The following TENM2 variants were observed in gnomAD, a reference collection of about 807,000 sequenced individuals.
The protein encoded by TENM2 is teneurin transmembrane protein 2.
Under a neutral mutation model 245.2 loss-of-function variants are expected in TENM2, and 52 were observed. That is an observed-to-expected ratio of 0.21 (90% confidence interval 0.17 to 0.27). TENM2 has a LOEUF of 0.27. Ranked by LOEUF, TENM2 falls within the 10% of genes least tolerant of loss-of-function variation. The pLI is 1.00. For missense variants in TENM2, 3,046 were observed against 3,666.8 expected (o/e 0.83, Z 4.37); for synonymous variants, 1,363 against 1,438.9 (o/e 0.95, Z 1.19).
intron 2 of TENM2, among the ~76,000 whole-genome samples, chr5:167,392,389 A>G (rs1400678521): frequency 2.0e-5 from 3 of 152,306 alleles, no homozygotes; most frequent in Non-Finnish European, 2.9e-5. Context: ...AGGAAAGTCA[A>G]TGGTCTCCCC....
At chr5:167,661,105 A>T (rs1033913340) in intron 2 of TENM2, among the ~76,000 whole-genome samples, 1 of 152,312 alleles carries the variant, frequency 6.6e-6, no homozygotes, top group South Asian at 2.1e-4. Context: ...TGCACTGAGC[A>T]TGTACCTTAT....
In TENM2 at chr5:167,582,738, A is replaced by T. The variant is rs545070608; in HGVS notation, c.502+207265A>T. ...TTATAGTTTATTATAACAGGCTGTG[A>T]TTCTCCAGAAGCTTTTTTGAGGATT... On this transcript the variant is annotated intron_variant, in intron 2 of 28. Coordinates refer to ENST00000518659, the Ensembl canonical transcript of TENM2. 2.0e-5 allele frequency among the ~76,000 whole-genome samples: 3 copies of T among 152,284 alleles called. No homozygotes were observed. In the South Asian group the frequency reaches 6.2e-4, roughly 32 times the overall value.
At chr5:168,138,837 CAT>C (rs1261244576) in intron 12 of TENM2, among the ~76,000 whole-genome samples, 2 of 152,218 alleles carry the variant, frequency 1.3e-5, no homozygotes, top group African/African-American at 4.8e-5. Context: ...GAGTGCCTAA[CAT>C]GTGCCAGCAC....
chr5:167,348,229 C>A (rs1290003173), intron 1 of TENM2, among the ~76,000 whole-genome samples: 1 of 152,156 alleles, frequency 6.6e-6, no homozygotes, highest in Non-Finnish European at 1.5e-5. Flanking sequence ...TAATACATAA[C>A]GAATTGCAGC....
intron 1 of TENM2, among the ~76,000 whole-genome samples, chr5:167,306,813 G>A (rs951938519): frequency 6.6e-6 from 1 of 152,150 alleles, no homozygotes; most frequent in African/African-American, 2.4e-5. Flanking sequence ...CAGAAGACTT[G>A]TAGCAATAAT....
chr5:167,554,809 A>G (rs1434113201), intron 2 of TENM2, among the ~76,000 whole-genome samples: 1 of 152,156 alleles, frequency 6.6e-6, no homozygotes, highest in Non-Finnish European at 1.5e-5. Flanking sequence ...GGTGGCAAAG[A>G]TAAGAAACTC....
chr5:167,274,172 T>G, the TENM2 span, among the ~76,000 whole-genome samples: 5 of 151,862 alleles, frequency 3.3e-5, no homozygotes, highest in Non-Finnish European at 7.4e-5. Context: ...CATACCCTTC[T>G]TAACCCTGAC....
intron 2 of TENM2, among the ~76,000 whole-genome samples, chr5:167,389,857 G>A (rs1761654573): frequency 6.6e-6 from 1 of 152,064 alleles, no homozygotes; most frequent in African/African-American, 2.4e-5. Flanking sequence ...TTTTATTCTG[G>A]CTTCCCTTCA....
At chr5:167,674,132 G>A (rs150399870) in intron 2 of TENM2, among the ~76,000 whole-genome samples, 95 of 152,278 alleles carry the variant, frequency 6.2e-4, no homozygotes, top group Admixed American at 4.8e-3. Context: ...ACTCCAGGGT[G>A]TGTAGCTATG....
At chr5:167,234,542 C>T in the TENM2 span, among the ~76,000 whole-genome samples, 2 of 152,156 alleles carry the variant, frequency 1.3e-5, no homozygotes, top group East Asian at 3.9e-4. Context: ...TTCTTAGAAG[C>T]CAGGCTACTT....
intron 5 of TENM2, among the ~76,000 whole-genome samples, chr5:168,029,885 C>T (rs898846986): frequency 5.3e-5 from 8 of 152,144 alleles, no homozygotes; most frequent in South Asian, 2.1e-4. Context: ...CAAGATCCAA[C>T]GGATTTTTTA....
At chr5:167,423,797 G>A (rs1313096052) in intron 2 of TENM2, among the ~76,000 whole-genome samples, 1 of 152,136 alleles carries the variant, frequency 6.6e-6, no homozygotes, top group Non-Finnish European at 1.5e-5. Context: ...CGTAAGTGAA[G>A]TTCAATATCA....
intron 5 of TENM2, among the ~76,000 whole-genome samples, chr5:168,012,101 A>G (rs1785261808): frequency 6.6e-6 from 1 of 152,176 alleles, no homozygotes; most frequent in Non-Finnish European, 1.5e-5. Flanking sequence ...CTTTGACTTT[A>G]TGTGTTCACA....
chr5:167,027,769 G>A, the TENM2 span, among the ~76,000 whole-genome samples: 1 of 152,052 alleles, frequency 6.6e-6, no homozygotes, highest in Admixed American at 6.6e-5. Flanking sequence ...TATTGTTTCA[G>A]ATATCCATAT....
intron 4 of TENM2, among the ~76,000 whole-genome samples, chr5:167,957,037 A>C (rs138598447): frequency 0.031 from 4,733 of 152,144 alleles, 178 homozygotes; most frequent in East Asian, 0.096. Context: ...GAATAGTTTC[A>C]GAAGGAATGG....
In TENM2 at chr5:168,045,723, A is replaced by T. The variant is rs185177536; in HGVS notation, c.1187-1704A>T. The stretch of plus-strand genomic sequence containing the variant: ...AATAACCCAATAGTATCATTTTTTT[A>T]AAAAATTATTTTAAAATAGCTAATT... On this transcript the variant is annotated intron_variant, in intron 5 of 28. Transcript: ENST00000518659. Among the ~76,000 whole-genome samples, 834 of 152,288 alleles carry T rather than the reference A, an allele frequency of 5.5e-3. 5 individuals are homozygous for T. Among genetic ancestry groups the T allele is most frequent in the African/African-American group, 0.019 (785 of 41,558 alleles).
intron 25 of TENM2, among the ~76,000 whole-genome samples, chr5:168,230,500 G>A (rs1369855250): frequency 1.3e-5 from 2 of 152,178 alleles, no homozygotes; most frequent in African/African-American, 4.8e-5. Flanking sequence ...GAGGGAACTG[G>A]GGAGTGGCCA....
intron 2 of TENM2, among the ~76,000 whole-genome samples, chr5:167,842,139 A>G (rs955058525): frequency 6.6e-6 from 1 of 152,092 alleles, no homozygotes; most frequent in African/African-American, 2.4e-5. Flanking sequence ...TCAGACCAAG[A>G]AGCTGGCGTC....
chr5:167,677,183 T>A (rs186275815), intron 2 of TENM2, among the ~76,000 whole-genome samples: 1 of 152,218 alleles, frequency 6.6e-6, no homozygotes, highest in African/African-American at 2.4e-5. Flanking sequence ...GAGAATAATA[T>A]AACCTGAAAT....
Sources: gnomAD v4.1 joint callset for allele counts (sites outside exome capture counted in the v4.1 genomes callset) on GRCh38, gnomAD v4.1.1 for gene constraint, MANE v1.5 for transcripts, NCBI Gene and HGNC (gene_info 2026-07-23, HGNC 2026-07-21) for gene names.